Variants in SLC25A48 observed in about 807,000 individuals in gnomAD.
SLC25A48 encodes solute carrier family 25 member 48, also known as CTC-321K16.1.
SLC25A48 carries 29 observed loss-of-function variants against 32.2 expected under a neutral mutation model. That is an observed-to-expected ratio of 0.90 (90% CI 0.67 to 1.23). The LOEUF (loss-of-function observed/expected upper bound fraction) is 1.23. Ranked by LOEUF, SLC25A48 falls within the 50% of genes most tolerant of loss-of-function variation. SLC25A48 has a pLI of 0.00. For synonymous variants in SLC25A48, 164 were observed against 172.3 expected (o/e 0.95, Z 0.38); for missense variants, 399 against 422.7 (o/e 0.94, Z 0.49).
intron 3 of SLC25A48, among the ~76,000 whole-genome samples, chr5:135,778,023 G>C (rs1756612387): frequency 7.2e-6 from 1 of 138,096 alleles, no homozygotes; most frequent in African/African-American, 2.7e-5. Context: ...ATATCCAAAC[G>C]GGGAGAGGCT....
At chr5:135,613,297 T>C (rs1380124006) in intron 1 of SLC25A48, among the ~76,000 whole-genome samples, 1 of 152,230 alleles carries the variant, frequency 6.6e-6, no homozygotes, top group East Asian at 1.9e-4. Context: ...TAATGCTGAG[T>C]TGTTTGAGTT....
chr5:135,709,004 G>C (rs1754588426), intron 3 of SLC25A48, among the ~76,000 whole-genome samples: 1 of 152,154 alleles, frequency 6.6e-6, no homozygotes, highest in Non-Finnish European at 1.5e-5. Context: ...TGACTATCCT[G>C]CCAAGGTGAT....
chr5:135,879,187 T>C (rs905642517), intron 6 of SLC25A48, among the ~76,000 whole-genome samples: 1 of 152,100 alleles, frequency 6.6e-6, no homozygotes, highest in East Asian at 1.9e-4. Context: ...TGCATCCTAG[T>C]GATGGAGGTT....
At chr5:135,809,591 T>A (rs1268201581) in intron 3 of SLC25A48, among the ~76,000 whole-genome samples, 1 of 152,168 alleles carries the variant, frequency 6.6e-6, no homozygotes, top group Non-Finnish European at 1.5e-5. Flanking sequence ...ATCTAGAACA[T>A]CCTGTCTCTC....
chr5:135,641,669 T>C (rs1282757550), intron 3 of SLC25A48, among the ~76,000 whole-genome samples: 2 of 152,228 alleles, frequency 1.3e-5, no homozygotes, highest in Non-Finnish European at 2.9e-5. Flanking sequence ...ATGAATCTTA[T>C]TCCCTTGCTT....
intron 1 of SLC25A48, among the ~76,000 whole-genome samples, chr5:135,601,539 C>G (rs1299276493): frequency 1.3e-5 from 2 of 152,204 alleles, no homozygotes; most frequent in African/African-American, 4.8e-5. Context: ...GTGTCACTCT[C>G]CCCTCTCTCC....
chr5:135,807,379 T>C (rs1757487767), intron 3 of SLC25A48, among the ~76,000 whole-genome samples: 1 of 150,720 alleles, frequency 6.6e-6, no homozygotes, highest in Non-Finnish European at 1.5e-5. Flanking sequence ...TAACACTAGA[T>C]ATTTAAAATA....
At chr5:135,775,136 T>C (rs1022545392) in intron 3 of SLC25A48, among the ~76,000 whole-genome samples, 1 of 151,810 alleles carries the variant, frequency 6.6e-6, no homozygotes, top group Non-Finnish European at 1.5e-5. Flanking sequence ...ATTTGTGATA[T>C]TGTTTTTAAT....
At chr5:135,669,201 G>A (rs1287391925) in intron 3 of SLC25A48, among the ~76,000 whole-genome samples, 1 of 152,136 alleles carries the variant, frequency 6.6e-6, no homozygotes, top group Non-Finnish European at 1.5e-5. Context: ...GAACCTATCT[G>A]ATATCTAAAT....
intron 1 of SLC25A48, among the ~76,000 whole-genome samples, chr5:135,606,503 T>C (rs565254535): frequency 6.6e-6 from 1 of 152,300 alleles, no homozygotes; most frequent in African/African-American, 2.4e-5. Flanking sequence ...GCTCTTTTCA[T>C]CCTTGCTGCA....
intron 3 of SLC25A48, among the ~76,000 whole-genome samples, chr5:135,851,321 G>A (rs1320720081): frequency 1.3e-5 from 2 of 152,278 alleles, no homozygotes; most frequent in Admixed American, 6.5e-5. Flanking sequence ...AAATTGGGGC[G>A]AGCGCTGCAA....
rs79359220 is a variant in SLC25A48, at chr5:135,771,585, A to G, written c.-520-40938A>G. On this transcript the variant is annotated intron_variant, in intron 3 of 10. Coordinates refer to the SLC25A48 transcript ENST00000646290. ...TCCTGTGATATGGTTCCTAATATCT[A>G]GGGGGGAAGAGAATGATATTACTCT... is the stretch of plus-strand genomic sequence containing the variant. Among the ~76,000 whole-genome samples, 771 of 151,540 alleles carry G rather than the reference A, an allele frequency of 5.1e-3. 7 individuals carry two copies. Among genetic ancestry groups the G allele is most frequent in the African/African-American group, 0.018 (731 of 41,340 alleles).
intron 3 of SLC25A48, among the ~76,000 whole-genome samples, chr5:135,718,009 T>C (rs1377109360): frequency 1.4e-5 from 2 of 143,696 alleles, no homozygotes; most frequent in Non-Finnish European, 3.1e-5. Context: ...TGAGACTCCT[T>C]TTTTGTTGTT....
intron 3 of SLC25A48, among the ~76,000 whole-genome samples, chr5:135,719,105 G>A (rs938039572): frequency 6.6e-6 from 1 of 152,158 alleles, no homozygotes; most frequent in Non-Finnish European, 1.5e-5. Flanking sequence ...GGATTTCTCT[G>A]TGTTATTCCT....
chr5:135,722,518 A>G (rs1440544561), intron 3 of SLC25A48, among the ~76,000 whole-genome samples: 1 of 152,226 alleles, frequency 6.6e-6, no homozygotes, highest in Non-Finnish European at 1.5e-5. Context: ...GTGAACAGGC[A>G]GGAACATGGT....
At chr5:135,602,834 A>G (rs1316566804) in intron 1 of SLC25A48, among the ~76,000 whole-genome samples, 4 of 151,966 alleles carry the variant, frequency 2.6e-5, no homozygotes, top group Non-Finnish European at 4.4e-5. Flanking sequence ...TCATTGTTCA[A>G]TTCCCACCTA....
chr5:135,670,803 G>C (rs1753638004), intron 3 of SLC25A48, among the ~76,000 whole-genome samples: 1 of 152,124 alleles, frequency 6.6e-6, no homozygotes, highest in African/African-American at 2.4e-5. Flanking sequence ...GTCTGTAATT[G>C]TCAGTCTTTG....
chr5:135,863,931 T>G (rs913873894), intron 4 of SLC25A48, among the ~76,000 whole-genome samples: 1 of 151,916 alleles, frequency 6.6e-6, no homozygotes, highest in Non-Finnish European at 1.5e-5. Context: ...AGAAAGAAAG[T>G]AAAAATGCAG....
At chr5:135,593,661 G>C (rs1368247109) in intron 1 of SLC25A48, among the ~76,000 whole-genome samples, 2 of 151,928 alleles carry the variant, frequency 1.3e-5, no homozygotes, top group Non-Finnish European at 2.9e-5. Flanking sequence ...CCATTTCTGT[G>C]AGAACCTGAC....
Sources: gnomAD v4.1 joint callset for allele counts (sites outside exome capture counted in the v4.1 genomes callset) on GRCh38, gnomAD v4.1.1 for gene constraint, MANE v1.5 for transcripts, NCBI Gene and HGNC (gene_info 2026-07-23, HGNC 2026-07-21) for gene names.